The following NCOA6 variants were observed in gnomAD, a reference collection of about 807,000 sequenced individuals.
NCOA6 encodes the protein nuclear receptor coactivator 6.
NCOA6 carries 49 observed loss-of-function variants against 171.4 expected under a neutral mutation model. The ratio of observed to expected loss-of-function variants is 0.29; its 90% CI spans 0.23 to 0.36. The LOEUF is 0.36. Among genes scored for constraint, NCOA6 ranks in the 10% least tolerant of loss-of-function variants. The pLI, the probability that NCOA6 is intolerant of heterozygous loss-of-function variation, is 1.00. For missense variants in NCOA6, 2,248 were observed against 2,554.5 expected (o/e 0.88, Z 2.59); for synonymous variants, 910 against 927.5 (o/e 0.98, Z 0.34).
rs912810067 is a variant in NCOA6 at position 34,741,095 on chromosome 20, T to C, written c.5161A>G (p.Ser1721Gly). Residue 1721 changes from serine (S) to glycine (G), a missense_variant, in exon 11 of 15, where the codon AGT becomes GGT. Ser to Gly is a moderately conservative substitution (Grantham distance 56, BLOSUM62 0). Coordinates refer to ENST00000359003, the MANE Select transcript of NCOA6 (RefSeq NM_014071.5). ...CCTGTCTGGATGTTTGGAGCAGGAC[T>C]ACTGGAGAGGGCATTAGGCGGTACA... The part of the protein sequence containing the change: ...APVPPNALSS[S>G]PAPNIQTGRP... 2.3e-5 allele frequency: 37 copies of C among 1,614,084 alleles called. No homozygotes were observed. The highest frequency in any genetic ancestry group is 3.1e-5 in the Non-Finnish European group (36 of 1,180,040).
At chr20:34,723,768 G>A (rs1265448352) in intron 14 of NCOA6, among the ~76,000 whole-genome samples, 1 of 152,152 alleles carries the variant, frequency 6.6e-6, no homozygotes, top group East Asian at 1.9e-4. Context: ...TCTACAGAGC[G>A]GTTCTAGTTT....
rs2076142295 is a variant in NCOA6, at chr20:34,741,494, T to C, written c.4762A>G (p.Ile1588Val). 1.9e-6 allele frequency: 3 copies of C among 1,614,092 alleles called. No individual in the cohort carries two copies. The highest frequency in any genetic ancestry group is 4.5e-5 in the East Asian group (2 of 44,884). ...TGATTTGGGGGCAAGGGAGTGGAAA[T>C]GGAGGAAGAGCTAACAGGTCTTGAC... ...VMSRPVSSSSISTPLPPNQIT... is the reference protein window; with the variant it reads ...VMSRPVSSSSVSTPLPPNQIT... Residue 1588 changes from isoleucine to valine, a missense_variant, in exon 11 of 15, where the codon ATT (isoleucine) becomes GTT (valine). Physicochemically the swap from Ile to Val is conservative, Grantham distance 29 (BLOSUM62 3). This residue lies in a region of NCOA6 where 884 missense variants were observed against 941.9 expected (regional missense o/e 0.94). Coordinates refer to ENST00000359003, the MANE Select transcript of NCOA6 (RefSeq NM_014071.5).
intron 12 of NCOA6, among the ~76,000 whole-genome samples, chr20:34,735,208 T>G (rs1028244599): frequency 2.0e-5 from 3 of 152,158 alleles, no homozygotes; most frequent in Non-Finnish European, 1.5e-5. Flanking sequence ...GGAATTCCCT[T>G]TCCCTTTAGA....
intron 3 of NCOA6, among the ~76,000 whole-genome samples, chr20:34,778,686 A>T (rs1568837598): frequency 6.6e-6 from 1 of 151,766 alleles, no homozygotes; most frequent in African/African-American, 2.4e-5. Flanking sequence ...TCGGCCTCCC[A>T]AAGTGCTGGG....
chr20:34,781,325 G>A (rs1320349836), intron 3 of NCOA6, among the ~76,000 whole-genome samples: 2 of 152,274 alleles, frequency 1.3e-5, no homozygotes, highest in Admixed American at 6.5e-5. Context: ...CACTATGTCC[G>A]AAGGGATTAG....
At chr20:34,731,296 A>G (rs2075771133) in intron 13 of NCOA6, among the ~76,000 whole-genome samples, 1 of 152,248 alleles carries the variant, frequency 6.6e-6, no homozygotes, top group South Asian at 2.1e-4. Context: ...CTGGGATTAC[A>G]GGCGTGAGCC....
intron 2 of NCOA6, among the ~76,000 whole-genome samples, chr20:34,787,408 C>A (rs749655599): frequency 6.6e-6 from 1 of 151,994 alleles, no homozygotes; most frequent in African/African-American, 2.4e-5. Context: ...CACCTGTAGT[C>A]CCAGCTACAT....
intron 3 of NCOA6, among the ~76,000 whole-genome samples, chr20:34,777,940 G>A (rs999562303): frequency 6.6e-6 from 1 of 152,108 alleles, no homozygotes; most frequent in Non-Finnish European, 1.5e-5. Context: ...ACGGAATCTT[G>A]CTCTGTCACC....
At position 34,749,681 on chromosome 20, in the gene NCOA6, T is replaced by A; in HGVS notation, c.2514A>T (p.Gly838=). 6.2e-7 allele frequency: 1 copy of A among 1,614,174 alleles called. No homozygotes were observed. The highest frequency in any genetic ancestry group is 8.5e-7 in the Non-Finnish European group (1 of 1,179,998). Residue 838 remains glycine (G), a synonymous_variant, in exon 9 of 15, where the codon GGA becomes GGT. Coordinates refer to ENST00000359003, the MANE Select transcript of NCOA6 (RefSeq NM_014071.5). ...AGAAGTGGTTTCCCGAGGCACTGTT[T>A]CCCTGCATGGCCTGCACATGAGGGG... ...MVPPHVQAMQ[G]NSASGNHFSG...
intron 8 of NCOA6, 114 bp from the exon 9 acceptor site, chr20:34,750,633 C>A: frequency 1.7e-6 from 2 of 1,149,170 alleles, no homozygotes; most frequent in Non-Finnish European, 2.4e-6. Context: ...ATCCACTGAC[C>A]AACATAAATA....
chr20:34,810,092 A>G (rs941884615), intron 1 of NCOA6, among the ~76,000 whole-genome samples: 2 of 152,276 alleles, frequency 1.3e-5, no homozygotes, highest in Non-Finnish European at 2.9e-5. Context: ...TAGTGGTTAC[A>G]CAAGTGTGTT....
At chr20:34,747,796 G>C (rs2076352065) in intron 9 of NCOA6, among the ~76,000 whole-genome samples, 1 of 152,138 alleles carries the variant, frequency 6.6e-6, no homozygotes, top group Non-Finnish European at 1.5e-5. Context: ...AGCACATCCA[G>C]ACCTATAACA....
chr20:34,747,712 A>G (rs552265502), intron 9 of NCOA6, among the ~76,000 whole-genome samples: 9 of 152,266 alleles, frequency 5.9e-5, no homozygotes, highest in Admixed American at 3.9e-4. Flanking sequence ...TACTCTGTAC[A>G]GTTTCATAAG....
intron 10 of NCOA6, among the ~76,000 whole-genome samples, chr20:34,746,543 C>A (rs2076307272): frequency 6.6e-6 from 1 of 152,292 alleles, no homozygotes; most frequent in African/African-American, 2.4e-5. Context: ...TCATGCCCAA[C>A]CACATTTCAG....
chr20:34,759,036 T>G (rs2076738069), intron 5 of NCOA6, 103 bp from the exon 6 acceptor site: 1 of 1,361,676 alleles, frequency 7.3e-7, no homozygotes, highest in African/African-American at 1.5e-5. Context: ...TTTGTTTTTT[T>G]TTTTTTGACA....
At chr20:34,815,722 G>C (rs769431048) in intron 1 of NCOA6, among the ~76,000 whole-genome samples, 24 of 152,050 alleles carry the variant, frequency 1.6e-4, no homozygotes, top group Non-Finnish European at 3.2e-4. Context: ...ACCAAGAAGA[G>C]AGGGCTAACA....
chr20:34,758,462 T>C (rs2076719053), intron 6 of NCOA6, among the ~76,000 whole-genome samples: 1 of 152,216 alleles, frequency 6.6e-6, no homozygotes, highest in Admixed American at 6.5e-5. Context: ...GGACTTTCAG[T>C]GCCTCCAATA....
chr20:34,768,646 T>A, intron 4 of NCOA6, 60 bp from the exon 5 acceptor site: 1 of 1,582,344 alleles, frequency 6.3e-7, no homozygotes. Flanking sequence ...ATTTTGTTTA[T>A]AGACAGCTAT....
intron 2 of NCOA6, among the ~76,000 whole-genome samples, chr20:34,784,183 C>G (rs1188296016): frequency 6.6e-6 from 1 of 151,636 alleles, no homozygotes; most frequent in East Asian, 1.9e-4. Flanking sequence ...TGGTTATATT[C>G]CTTGCATAAA....
Sources: gnomAD v4.1 joint callset for allele counts (sites outside exome capture counted in the v4.1 genomes callset) on GRCh38, gnomAD v4.1.1 for gene constraint, gnomAD v4.1.1 regional missense constraint, MANE v1.5 for transcripts, NCBI Gene and HGNC (gene_info 2026-07-23, HGNC 2026-07-21) for gene names.